The following SH3RF2 variants were observed in gnomAD, a reference collection of about 807,000 sequenced individuals.
SH3RF2 encodes E3 ubiquitin-protein ligase SH3RF2.
In SH3RF2, 43 loss-of-function variants were observed where a neutral mutation model predicts 59.0. That is an observed-to-expected ratio of 0.73 (90% CI 0.57 to 0.94). The LOEUF is 0.94. SH3RF2 is among the 40% of genes least tolerant of loss of function. The pLI is 0.00. For synonymous variants in SH3RF2, 391 were observed against 391.5 expected (o/e 1.00, Z 0.01); for missense variants, 930 against 940.1 (o/e 0.99, Z 0.14).
Position 145,938,124 on chromosome 5 carries a change from A to G in SH3RF2, c.196A>G (p.Asn66Asp), listed in dbSNP as rs1757669342. The G allele has an allele frequency of 1.2e-6, 2 of 1,614,100 alleles. No individual in the cohort carries two copies. Among genetic ancestry groups the G allele is most frequent in the Non-Finnish European group, 1.7e-6 (2 of 1,180,046 alleles). ...TTCCAACATTGAGGCGCTGCCGGCC[A>G]ACCTGCTGCTCGTGCGCCTTCTGGA... ...VFSNIEALPANLLLVRLLDGV... is the reference protein window; with the variant it reads ...VFSNIEALPADLLLVRLLDGV... The change falls in exon 2 of 10, where the codon AAC becomes GAC. Residue 66 changes from asparagine to aspartate, a missense_variant. Coordinates refer to ENST00000359120, the MANE Select transcript of SH3RF2 (RefSeq NM_152550.4).
At chr5:145,969,802 A>T (rs1281027741) in intron 2 of SH3RF2, among the ~76,000 whole-genome samples, 1 of 152,126 alleles carries the variant, frequency 6.6e-6, no homozygotes, top group African/African-American at 2.4e-5. Context: ...CCAAGCCATG[A>T]GTTGGCAAAG....
intron 2 of SH3RF2, among the ~76,000 whole-genome samples, chr5:145,939,227 C>T (rs979287128): frequency 1.3e-5 from 2 of 152,142 alleles, no homozygotes; most frequent in African/African-American, 2.4e-5. Flanking sequence ...AAAGTGGACA[C>T]GGAAAGCTGT....
At chr5:146,064,854 A>T (rs957107350), downstream of SH3RF2, among the ~76,000 whole-genome samples, 1 of 26,922 alleles carries the variant, frequency 3.7e-5, no homozygotes, top group African/African-American at 6.3e-5. Context: ...GAAAGAAAGA[A>T]AGAAAGAAAG....
At chr5:146,054,749 G>A (rs1436313386) in intron 7 of SH3RF2, among the ~76,000 whole-genome samples, 2 of 152,272 alleles carry the variant, frequency 1.3e-5, no homozygotes, top group East Asian at 3.9e-4. Context: ...ATATTACTTT[G>A]TCAATCAAAA....
chr5:145,937,627 G>A (rs575965349), intron 1 of SH3RF2, among the ~76,000 whole-genome samples, 196 bp from the exon 2 acceptor site: 3 of 152,160 alleles, frequency 2.0e-5, no homozygotes, highest in Non-Finnish European at 4.4e-5. Context: ...TGTGCTGAAT[G>A]TTCCCTCTGA....
At chr5:145,995,623 A>C (rs1177090886) in intron 2 of SH3RF2, among the ~76,000 whole-genome samples, 1 of 152,218 alleles carries the variant, frequency 6.6e-6, no homozygotes, top group Non-Finnish European at 1.5e-5. Flanking sequence ...AATTTTAATA[A>C]GCAATACAAT....
chr5:146,009,588 G>A (rs1760791746), intron 4 of SH3RF2, among the ~76,000 whole-genome samples: 1 of 152,112 alleles, frequency 6.6e-6, no homozygotes, highest in Non-Finnish European at 1.5e-5. Context: ...ATTTAAAGTG[G>A]CTGCCTCCCC....
At chr5:146,049,810 A>C (rs1445068716) in intron 7 of SH3RF2, among the ~76,000 whole-genome samples, 1 of 152,002 alleles carries the variant, frequency 6.6e-6, no homozygotes, top group African/African-American at 2.4e-5. Flanking sequence ...CCGATCTCTT[A>C]CATTGTGTGG....
At chr5:145,951,730 G>A (rs757892457) in intron 2 of SH3RF2, among the ~76,000 whole-genome samples, 4 of 152,120 alleles carry the variant, frequency 2.6e-5, no homozygotes, top group Non-Finnish European at 5.9e-5. Context: ...TCTTCCATGG[G>A]CATCTGCCAC....
intron 7 of SH3RF2, among the ~76,000 whole-genome samples, chr5:146,054,499 G>A (rs186080083): frequency 1.4e-4 from 22 of 152,334 alleles, no homozygotes; most frequent in Admixed American, 5.2e-4. Context: ...GCCAATGCTG[G>A]AGATTTCTTC....
At chr5:145,993,443 G>A (rs897209342) in intron 2 of SH3RF2, among the ~76,000 whole-genome samples, 3 of 152,210 alleles carry the variant, frequency 2.0e-5, no homozygotes, top group African/African-American at 7.2e-5. Flanking sequence ...CCCTAGCAGA[G>A]GTTCTCCATG....
chr5:146,047,925 A>G (rs1316037202), intron 6 of SH3RF2, 62 bp downstream of exon 6: 1 of 1,487,604 alleles, frequency 6.7e-7, no homozygotes, highest in Non-Finnish European at 9.3e-7. Context: ...TTTACCATGT[A>G]CAGTGGTGAT....
chr5:146,004,272 C>G, intron 4 of SH3RF2, 119 bp downstream of exon 4: 1 of 683,988 alleles, frequency 1.5e-6, no homozygotes, highest in Non-Finnish European at 2.2e-6. Context: ...TAACTAAAAT[C>G]TCTAAAGAAA....
chr5:146,009,203 C>A (rs1312577129), intron 4 of SH3RF2, among the ~76,000 whole-genome samples: 1 of 152,154 alleles, frequency 6.6e-6, no homozygotes, highest in African/African-American at 2.4e-5. Context: ...AAGACACTGC[C>A]AAACAGTAGC....
At chr5:145,983,753 A>C (rs1049204317) in intron 2 of SH3RF2, among the ~76,000 whole-genome samples, 6 of 152,092 alleles carry the variant, frequency 3.9e-5, no homozygotes, top group African/African-American at 1.2e-4. Flanking sequence ...GTGATTATAC[A>C]CTCAGTACAG....
At position 145,938,089 on chromosome 5, in the gene SH3RF2, C is replaced by T. The variant is rs754818088; in HGVS notation, c.161C>T (p.Thr54Met). The change falls in exon 2 of 10, where the codon ACG becomes ATG. Residue 54 changes from threonine to methionine, a missense_variant. Thr to Met is a moderately conservative substitution (Grantham distance 81). Coordinates refer to ENST00000359120, the MANE Select transcript of SH3RF2 (RefSeq NM_152550.4). ...GAGCTGCGGTGCCCCGAATGCAGGA[C>T]GCCTGTGTTTTCCAACATTGAGGCG... ...HKELRCPECR[T>M]PVFSNIEALP... 1.2e-5 allele frequency: 19 copies of T among 1,614,212 alleles called. No homozygotes were observed. Among genetic ancestry groups the T allele is most frequent in the Admixed American group, 3.3e-5 (2 of 60,032 alleles).
intron 5 of SH3RF2, among the ~76,000 whole-genome samples, chr5:146,026,738 G>A (rs976659136): frequency 1.3e-5 from 2 of 152,174 alleles, no homozygotes; most frequent in Admixed American, 1.3e-4. Flanking sequence ...GGGTCAGCTA[G>A]ATCTAGGACG....
Position 145,937,968 on chromosome 5 carries a change from G to T in SH3RF2, c.40G>T (p.Val14Leu), listed in dbSNP as rs1164579607. Residue 14 changes from valine to leucine, a missense_variant, in exon 2 of 10, where the codon GTG (valine) becomes TTG (leucine). By Grantham distance (32) the Val-to-Leu change is conservative (BLOSUM62 1). Transcript: ENST00000359120. Reference sequence around the variant, plus strand: ...GTTACTTGATCTTCTGGAGTGCCCTGTGTGCTTTGAGAAGCTCGATGTCAC... The same window carrying T: ...GTTACTTGATCTTCTGGAGTGCCCTTTGTGCTTTGAGAAGCTCGATGTCAC... ...LTLLDLLECP[V>L]CFEKLDVTAK... The T allele has an allele frequency of 6.2e-7, 1 of 1,614,180 alleles. No individual in the cohort carries two copies. Among genetic ancestry groups the T allele is most frequent in the South Asian group, 1.1e-5 (1 of 91,080 alleles).
intron 2 of SH3RF2, among the ~76,000 whole-genome samples, chr5:145,994,044 C>G (rs1363845064): frequency 6.6e-6 from 1 of 152,212 alleles, no homozygotes; most frequent in Admixed American, 6.5e-5. Context: ...GAAATTTCTT[C>G]CACCAGATAC....
Sources: gnomAD v4.1 joint callset for allele counts (sites outside exome capture counted in the v4.1 genomes callset) on GRCh38, gnomAD v4.1.1 for gene constraint, MANE v1.5 for transcripts, NCBI Gene and HGNC (gene_info 2026-07-23, HGNC 2026-07-21) for gene names.